ENPP3: variants seen among roughly 807,000 people sequenced by gnomAD.
The protein encoded by ENPP3 is ectonucleotide pyrophosphatase/phosphodiesterase 3, also known as ectonucleotide pyrophosphatase/phosphodiesterase family member 3.
A neutral mutation model predicts 117.8 loss-of-function variants in ENPP3; 104 were observed. The observed-to-expected ratio is 0.88, with a 90% CI of 0.75 to 1.04. The LOEUF (loss-of-function observed/expected upper bound fraction) is 1.04. ENPP3 is among the 50% of genes least tolerant of loss of function. ENPP3 has a pLI of 0.00. For missense variants in ENPP3, 1,026 were observed against 1,051.9 expected, an observed-to-expected ratio of 0.98 and a Z score of 0.34; for synonymous variants, 380 against 349.9, an observed-to-expected ratio of 1.09 and a Z score of -0.96.
At chr6:131,665,083 G>A (rs575627191) in intron 6 of ENPP3, among the ~76,000 whole-genome samples, 1 of 152,116 alleles carries the variant, frequency 6.6e-6, no homozygotes, top group South Asian at 2.1e-4. Context: ...AACCATCCTT[G>A]CACCCCAGGG....
chr6:131,654,226 T>C (rs972029273), intron 5 of ENPP3, among the ~76,000 whole-genome samples: 1 of 151,932 alleles, frequency 6.6e-6, no homozygotes, highest in African/African-American at 2.4e-5. Context: ...CTCAAATTCC[T>C]GGGCTCAAGC....
intron 24 of ENPP3, among the ~76,000 whole-genome samples, chr6:131,745,096 C>A (rs2114589903): frequency 6.6e-6 from 1 of 151,966 alleles, no homozygotes. Context: ...TGGATGGATG[C>A]CAAGTAAGTC....
At chr6:131,668,106 A>G (rs1028608318) in intron 6 of ENPP3, among the ~76,000 whole-genome samples, 1 of 151,136 alleles carries the variant, frequency 6.6e-6, no homozygotes, top group Non-Finnish European at 1.5e-5. Context: ...TATGTTTTCC[A>G]TTTGTACAGA....
intron 14 of ENPP3, among the ~76,000 whole-genome samples, chr6:131,688,981 G>T (rs1354246042): frequency 6.6e-6 from 1 of 151,666 alleles, no homozygotes; most frequent in African/African-American, 2.4e-5. Flanking sequence ...CAGGAAAATT[G>T]CTTGAACCCG....
intron 20 of ENPP3, among the ~76,000 whole-genome samples, chr6:131,731,741 C>T (rs908954338): frequency 1.4e-4 from 21 of 152,298 alleles, no homozygotes; most frequent in African/African-American, 4.6e-4. Flanking sequence ...CAAACATAAG[C>T]TCTTGGTAGT....
rs376266724 is a variant in ENPP3 at position 131,637,341 on chromosome 6, A to T, written c.-44A>T. The T allele has an allele frequency of 8.3e-7, 1 of 1,211,892 alleles. No individual in the cohort carries two copies. 75.1% of individuals were successfully genotyped at this position (1,211,892 alleles called of 1,614,324 possible). ...TGCCAGACTAGACTAAAGAAGGAGC[A>T]CTAATTTATTCTGATAAAACAGGTC... is the stretch of plus-strand genomic sequence containing the variant. On this transcript the variant is annotated 5_prime_UTR_variant, in exon 1 of 25. Transcript: ENST00000357639.
intron 18 of ENPP3, among the ~76,000 whole-genome samples, 158 bp downstream of exon 18, chr6:131,722,563 A>C (rs1441725947): frequency 6.6e-6 from 1 of 152,228 alleles, no homozygotes; most frequent in Non-Finnish European, 1.5e-5. Flanking sequence ...CCTGGAAACG[A>C]GAAGTGAGAA....
At position 131,679,026 on chromosome 6, in the gene ENPP3, C is replaced by CTTCCTTCTTTCTTTCT. The variant is rs1562446870; in HGVS notation, c.1011+1089_1011+1090insCTTCTTTCTTTCTTTC. Among the ~76,000 whole-genome samples, 326 of 47,748 alleles carry CTTCCTTCTTTCTTTCT rather than the reference C, an allele frequency of 6.8e-3. 2 individuals are homozygous for CTTCCTTCTTTCTTTCT. The highest frequency in any genetic ancestry group is 0.012 in the East Asian group (12 of 990). The allele number at this position is 47,748 out of a possible 152,430, so 31.3% of individuals were successfully genotyped here. A position where few individuals can be genotyped will look rare whatever the true frequency, so the allele number is the denominator to read the frequency against. ...GCTTCCTTCCTTCCTTCCTTCCTTC[C>CTTCCTTCTTTCTTTCT]TTCTTTCTTTCTTTCTTTCTTTCTT... On this transcript the variant is annotated intron_variant, in intron 11 of 24. Transcript: ENST00000357639.
intron 11 of ENPP3, among the ~76,000 whole-genome samples, chr6:131,678,905 CTCTCTTTCTTTCTTTCTT>C (rs1778931661): frequency 1.4e-5 from 2 of 143,634 alleles, no homozygotes; most frequent in African/African-American, 5.5e-5. Context: ...TTCTTTCTTT[CTCTCTTTCTTTCTTTCTT>C]TCTTTCTTTC....
At chr6:131,693,692 C>T in intron 15 of ENPP3, 68 bp downstream of exon 15, 1 of 1,458,946 alleles carries the variant, frequency 6.9e-7, no homozygotes, top group Non-Finnish European at 9.5e-7. Context: ...GTCTACTTAA[C>T]CTTACCCTGC....
At chr6:131,738,329 T>C (rs1267364709) in intron 23 of ENPP3, among the ~76,000 whole-genome samples, 166 bp downstream of exon 23, 1 of 152,134 alleles carries the variant, frequency 6.6e-6, no homozygotes, top group East Asian at 1.9e-4. Flanking sequence ...AAGCTTATAT[T>C]GCAAAAAATT....
intron 2 of ENPP3, among the ~76,000 whole-genome samples, chr6:131,645,367 A>T (rs1778133711): frequency 6.6e-6 from 1 of 152,154 alleles, no homozygotes; most frequent in Non-Finnish European, 1.5e-5. Flanking sequence ...TCAGCTCTCT[A>T]ATTTTTGGCA....
chr6:131,656,164 G>A (rs555747610), intron 5 of ENPP3, among the ~76,000 whole-genome samples: 2 of 152,212 alleles, frequency 1.3e-5, no homozygotes, highest in South Asian at 2.1e-4. Context: ...CCCTACTGGC[G>A]GGGGACACCT....
chr6:131,742,475 A>G (rs1457464092), intron 24 of ENPP3, among the ~76,000 whole-genome samples: 1 of 152,112 alleles, frequency 6.6e-6, no homozygotes, highest in Non-Finnish European at 1.5e-5. Flanking sequence ...ATGAATCTTA[A>G]GTAGATTTGT....
intron 15 of ENPP3, chr6:131,701,404 C>A: frequency 6.2e-7 from 1 of 1,612,796 alleles, no homozygotes; most frequent in Non-Finnish European, 8.5e-7. Context: ...TCTCCCATAT[C>A]CCTATGACAG....
intron 15 of ENPP3, among the ~76,000 whole-genome samples, chr6:131,699,120 C>T (rs1488513701): frequency 3.4e-5 from 5 of 147,126 alleles, no homozygotes; most frequent in African/African-American, 1.3e-4. Flanking sequence ...TGCCTGTAGT[C>T]CCAGCTACTT....
chr6:131,680,896 G>T (rs1204799642), intron 11 of ENPP3, among the ~76,000 whole-genome samples: 1 of 152,154 alleles, frequency 6.6e-6, no homozygotes, highest in Non-Finnish European at 1.5e-5. Context: ...AATATGTAAT[G>T]ATTTGGGTTG....
intron 1 of ENPP3, among the ~76,000 whole-genome samples, chr6:131,639,237 T>C (rs2114276132): frequency 6.8e-6 from 1 of 147,674 alleles, no homozygotes; most frequent in East Asian, 2.0e-4. Flanking sequence ...TCTTTATAGC[T>C]CTTATGCTAA....
chr6:131,640,432 A>G (rs1659701773), intron 1 of ENPP3, among the ~76,000 whole-genome samples: 2 of 152,226 alleles, frequency 1.3e-5, no homozygotes, highest in Admixed American at 1.3e-4. Context: ...TTGAGACTTC[A>G]TATAAGAATT....
Sources: gnomAD v4.1 joint callset for allele counts (sites outside exome capture counted in the v4.1 genomes callset) on GRCh38, gnomAD v4.1.1 for gene constraint, MANE v1.5 for transcripts, NCBI Gene and HGNC (gene_info 2026-07-23, HGNC 2026-07-21) for gene names.